PDLIM1: variants seen among roughly 807,000 people sequenced by gnomAD.
PDLIM1 encodes PDZ and LIM domain 1, also known as PDZ and LIM domain protein 1.
In PDLIM1, 25 loss-of-function variants were observed where a neutral mutation model predicts 35.2. That is an observed-to-expected ratio of 0.71 (90% CI 0.52 to 0.99). The LOEUF (loss-of-function observed/expected upper bound fraction) is 0.99. Among genes scored for constraint, PDLIM1 ranks in the 50% least tolerant of loss-of-function variants. PDLIM1 has a pLI of 0.00. For missense variants in PDLIM1, 363 were observed against 415.3 expected (o/e 0.87, Z 1.09); for synonymous variants, 152 against 154.0 (o/e 0.99, Z 0.10).
rs2035649288 is a variant in PDLIM1 at position 95,291,003 on chromosome 10, G to C, written c.-88C>G. On this transcript the variant is annotated 5_prime_UTR_variant, in exon 1 of 7. Coordinates refer to ENST00000329399, the MANE Select transcript of PDLIM1 (RefSeq NM_020992.4). ...CAGGGCACCCCCGGCGGCTGTCGGA[G>C]AAAGAGCGGCGCGGCGCGGGCCCGG... is the stretch of plus-strand genomic sequence containing the variant. 1.4e-6 allele frequency: 1 copy of C among 735,350 alleles called. No homozygotes were observed. The highest frequency in any genetic ancestry group is 2.0e-6 in the Non-Finnish European group (1 of 499,722). The allele number at this position is 735,350 out of a possible 1,614,324, so 45.6% of individuals were successfully genotyped here. A position where few individuals can be genotyped will look rare whatever the true frequency, so the allele number is the denominator to read the frequency against.
chr10:95,244,131 C>T (rs562112453), intron 5 of PDLIM1, among the ~76,000 whole-genome samples: 115 of 152,176 alleles, frequency 7.6e-4, no homozygotes, highest in African/African-American at 2.5e-3. Context: ...CACCATTTTT[C>T]TTAATATAAC....
At chr10:95,278,819 C>A (rs574844231) in intron 1 of PDLIM1, among the ~76,000 whole-genome samples, 1 of 152,176 alleles carries the variant, frequency 6.6e-6, no homozygotes, top group African/African-American at 2.4e-5. Flanking sequence ...TTGACAGATA[C>A]TCTAACCGAC....
At chr10:95,252,502 T>A (rs189030231) in intron 4 of PDLIM1, among the ~76,000 whole-genome samples, 1 of 152,330 alleles carries the variant, frequency 6.6e-6, no homozygotes, top group Non-Finnish European at 1.5e-5. Context: ...CAAGATTCAG[T>A]TGAAAAATCA....
At chr10:95,279,583 T>C (rs190572082) in intron 1 of PDLIM1, among the ~76,000 whole-genome samples, 2 of 152,318 alleles carry the variant, frequency 1.3e-5, no homozygotes, top group East Asian at 3.9e-4. Flanking sequence ...GTCCACATCA[T>C]TTGTTGATTC....
At chr10:95,281,424 AAAAATTAGCC>A (rs2035560334) in intron 1 of PDLIM1, among the ~76,000 whole-genome samples, 1 of 152,176 alleles carries the variant, frequency 6.6e-6, no homozygotes, top group African/African-American at 2.4e-5. Context: ...ACAAGAAATT[AAAAATTAGCC>A]AGGCATGTAG....
intron 1 of PDLIM1, among the ~76,000 whole-genome samples, chr10:95,284,091 C>T (rs2035581924): frequency 1.3e-5 from 2 of 151,680 alleles, no homozygotes; most frequent in Admixed American, 6.6e-5. Context: ...TATAATTACA[C>T]CCACTACTTA....
chr10:95,272,275 T>G (rs1386338553), intron 1 of PDLIM1, among the ~76,000 whole-genome samples: 1 of 152,210 alleles, frequency 6.6e-6, no homozygotes, highest in Non-Finnish European at 1.5e-5. Flanking sequence ...TTTAAAAATC[T>G]TAATAATGTT....
At chr10:95,266,805 G>A (rs554237695) in intron 3 of PDLIM1, among the ~76,000 whole-genome samples, 1 of 152,196 alleles carries the variant, frequency 6.6e-6, no homozygotes, top group African/African-American at 2.4e-5. Context: ...ACCCTCATCT[G>A]AATACTGACT....
At chr10:95,281,744 G>A (rs753677539) in intron 1 of PDLIM1, among the ~76,000 whole-genome samples, 8 of 152,044 alleles carry the variant, frequency 5.3e-5, no homozygotes, top group East Asian at 1.9e-4. Context: ...CTCACACCTC[G>A]GCCTTCCAAA....
intron 4 of PDLIM1, among the ~76,000 whole-genome samples, chr10:95,250,898 G>A (rs2035262301): frequency 6.6e-6 from 1 of 152,156 alleles, no homozygotes; most frequent in African/African-American, 2.4e-5. Context: ...GTGACCTGAG[G>A]GCCCCAGGGT....
intron 1 of PDLIM1, among the ~76,000 whole-genome samples, chr10:95,284,164 G>A (rs1279423790): frequency 2.6e-5 from 4 of 152,082 alleles, no homozygotes; most frequent in Admixed American, 1.3e-4. Flanking sequence ...GAATAGTGTT[G>A]CTTGGAAAAT....
intron 1 of PDLIM1, among the ~76,000 whole-genome samples, chr10:95,272,214 AACAC>A (rs549033231): frequency 2.6e-5 from 4 of 152,048 alleles, no homozygotes; most frequent in Admixed American, 6.6e-5. Context: ...CATTTAAAAA[AACAC>A]ACACACACAC....
chr10:95,238,890 AG>A, intron 5 of PDLIM1: 40 of 500,072 alleles, frequency 8.0e-5, no homozygotes, highest in Admixed American at 9.6e-5. Context: ...ACCTGGCCAA[AG>A]AAAAGCCCAA....
At chr10:95,288,039 G>T (rs1187227284) in intron 1 of PDLIM1, among the ~76,000 whole-genome samples, 1 of 152,116 alleles carries the variant, frequency 6.6e-6, no homozygotes, top group Non-Finnish European at 1.5e-5. Flanking sequence ...ATTACCATAG[G>T]TCAGGATAGC....
chr10:95,271,607 G>A (rs763550192), intron 2 of PDLIM1, 26 bp downstream of exon 2: 32 of 1,579,032 alleles, frequency 2.0e-5, no homozygotes, highest in African/African-American at 2.8e-5. Flanking sequence ...AATCAGAAAT[G>A]AACAAAACGT....
chr10:95,249,014 C>T (rs2035245814), intron 4 of PDLIM1, among the ~76,000 whole-genome samples: 1 of 152,242 alleles, frequency 6.6e-6, no homozygotes, highest in South Asian at 2.1e-4. Flanking sequence ...AGTGTATTCC[C>T]TTATTTCTTT....
chr10:95,260,751 A>C (rs185730895), intron 4 of PDLIM1, among the ~76,000 whole-genome samples: 7 of 152,342 alleles, frequency 4.6e-5, no homozygotes, highest in Admixed American at 3.3e-4. Flanking sequence ...TCAGATGCAA[A>C]GTATGTAGTG....
intron 4 of PDLIM1, among the ~76,000 whole-genome samples, chr10:95,249,242 A>T (rs934342681): frequency 1.1e-4 from 17 of 152,084 alleles, no homozygotes; most frequent in Non-Finnish European, 8.8e-5. Flanking sequence ...GAGGTCCTCC[A>T]GGGCAGCCAG....
At chr10:95,283,017 G>GC (rs774216943) in intron 1 of PDLIM1, among the ~76,000 whole-genome samples, 1 of 152,090 alleles carries the variant, frequency 6.6e-6, no homozygotes, top group Non-Finnish European at 1.5e-5. Context: ...AGCTCCAACA[G>GC]CTACCACCCA....
Sources: gnomAD v4.1 joint callset for allele counts (sites outside exome capture counted in the v4.1 genomes callset) on GRCh38, gnomAD v4.1.1 for gene constraint, MANE v1.5 for transcripts, NCBI Gene and HGNC (gene_info 2026-07-23, HGNC 2026-07-21) for gene names.